The following APP variants were observed in gnomAD, a reference collection of about 807,000 sequenced individuals.
APP encodes amyloid beta precursor protein, also known as amyloid-beta precursor protein.
In APP, 31 loss-of-function variants were observed where a neutral mutation model predicts 101.4. The observed-to-expected ratio is 0.31, with a 90% CI of 0.23 to 0.41. The LOEUF (loss-of-function observed/expected upper bound fraction) is 0.41. Ranked by LOEUF, APP falls within the 10% of genes least tolerant of loss-of-function variation. The pLI is 1.00. For synonymous variants in APP, 366 were observed against 364.4 expected (o/e 1.00, Z -0.05); for missense variants, 839 against 1,003.7 (o/e 0.84, Z 2.22).
intron 3 of APP, among the ~76,000 whole-genome samples, chr21:26,064,677 C>G (rs2046391948): frequency 6.6e-6 from 1 of 152,126 alleles, no homozygotes; most frequent in South Asian, 2.1e-4. Flanking sequence ...AACACCCTCC[C>G]CCTAACAATC....
At chr21:26,152,240 G>A (rs927985456) in intron 1 of APP, among the ~76,000 whole-genome samples, 23 of 127,442 alleles carry the variant, frequency 1.8e-4, no homozygotes, top group African/African-American at 5.7e-4. Context: ...AGCCGAGATC[G>A]CGCCACTGCA....
At chr21:26,053,134 CT>C (rs533454547) in intron 4 of APP, 101 bp downstream of exon 4, 1 of 905,774 alleles carries the variant, frequency 1.1e-6, no homozygotes, top group Non-Finnish European at 1.9e-6. Context: ...TCTTAAATAA[CT>C]TATCAACATA....
chr21:26,028,669 ATCCATTGAATCAT>A (rs1042199059), intron 5 of APP, among the ~76,000 whole-genome samples: 7 of 152,200 alleles, frequency 4.6e-5, no homozygotes, highest in Non-Finnish European at 8.8e-5. Context: ...TCATTCATTC[ATCCATTGAATCAT>A]TCCATTAAGT....
At chr21:25,924,411 C>CAAAAAAA (rs551284093) in intron 13 of APP, among the ~76,000 whole-genome samples, 2 of 56,812 alleles carry the variant, frequency 3.5e-5, no homozygotes, top group African/African-American at 7.0e-5. Flanking sequence ...TTTGCAAATA[C>CAAAAAAA]AAAAAAAAAA....
rs1291230313 is a variant in APP, at chr21:26,014,954, ACT to A, written c.865+6884_865+6885del. 3.3e-5 allele frequency among the ~76,000 whole-genome samples: 5 copies of A among 152,312 alleles called. No homozygotes were observed. The South Asian group carries it at 8.3e-4, about 25-fold the overall frequency. ...GCTTAAAATACCTGCAAGAAATAAAACTCTATCTTGAAATGCAGTGGCATCTA... is the reference window on the plus strand; with the variant it reads ...GCTTAAAATACCTGCAAGAAATAAAACTATCTTGAAATGCAGTGGCATCTA... On this transcript the variant is annotated intron_variant, in intron 6 of 17. Coordinates refer to ENST00000346798, the MANE Select transcript of APP (RefSeq NM_000484.4).
intron 3 of APP, among the ~76,000 whole-genome samples, chr21:26,069,933 A>G (rs1230620658): frequency 6.6e-6 from 1 of 152,208 alleles, no homozygotes; most frequent in Non-Finnish European, 1.5e-5. Flanking sequence ...TTAGCCATGA[A>G]GTAATTAGGA....
Position 26,012,786 on chromosome 21 carries a change from C to T in APP, c.865+9054G>A, listed in dbSNP as rs549000294. Among the ~76,000 whole-genome samples the T allele has an allele frequency of 5.9e-5, 9 of 152,150 alleles. No homozygotes were observed. The South Asian group carries it at 1.9e-3, about 32-fold the overall frequency. On this transcript the variant is annotated intron_variant, in intron 6 of 17. Coordinates refer to ENST00000346798, the MANE Select transcript of APP (RefSeq NM_000484.4). ...GTCAGAAGTTCGAGACCAGTCTGGC[C>T]AACGTGGTGAAACCCATCTCTACCA... is the stretch of plus-strand genomic sequence containing the variant.
At chr21:25,952,755 C>CAAAT (rs2041146326) in intron 13 of APP, among the ~76,000 whole-genome samples, 2 of 152,146 alleles carry the variant, frequency 1.3e-5, no homozygotes, top group Admixed American at 6.5e-5. Flanking sequence ...AACAAACAAA[C>CAAAT]AAACAAACAA....
chr21:26,164,039 G>A (rs919940449), intron 1 of APP, among the ~76,000 whole-genome samples: 2 of 152,172 alleles, frequency 1.3e-5, no homozygotes, highest in African/African-American at 4.8e-5. Context: ...GAGGTCAAGA[G>A]TTTGAGACCA....
chr21:25,936,450 C>T (rs549454194), intron 13 of APP, among the ~76,000 whole-genome samples: 2 of 152,186 alleles, frequency 1.3e-5, no homozygotes, highest in Admixed American at 6.5e-5. Context: ...GGCTGAGGCA[C>T]GAGAATCGCT....
chr21:25,973,485 T>C (rs1426322610), intron 11 of APP, among the ~76,000 whole-genome samples: 1 of 152,186 alleles, frequency 6.6e-6, no homozygotes, highest in African/African-American at 2.4e-5. Context: ...AAAGATCATT[T>C]CATAAGAAGA....
intron 5 of APP, among the ~76,000 whole-genome samples, chr21:26,038,874 A>G (rs116151850): frequency 0.021 from 3,243 of 152,222 alleles, 107 homozygotes; most frequent in African/African-American, 0.074. Context: ...CATTTACACC[A>G]ATTAGTCGTT....
chr21:26,017,198 C>CAAAAAAAAAAAAAAAAAA (rs35206910), intron 6 of APP, among the ~76,000 whole-genome samples: 804 of 56,196 alleles, frequency 0.014, 63 homozygotes, highest in Non-Finnish European at 0.017. Context: ...GACTGTATCT[C>CAAAAAAAAAAAAAAAAAA]AAAAAAAAAA....
chr21:26,095,759 T>G (rs1487469987), intron 2 of APP, among the ~76,000 whole-genome samples: 2 of 152,220 alleles, frequency 1.3e-5, no homozygotes, highest in Non-Finnish European at 1.5e-5. Flanking sequence ...AAAAGTTCCT[T>G]AAGCTGCTTA....
chr21:25,940,177 G>A (rs1022924395), intron 13 of APP, among the ~76,000 whole-genome samples: 2 of 152,130 alleles, frequency 1.3e-5, no homozygotes, highest in African/African-American at 4.8e-5. Context: ...CTAAACAGGA[G>A]TCAGAGAAGG....
chr21:26,019,393 C>T (rs1045328186), intron 6 of APP, among the ~76,000 whole-genome samples: 12 of 152,124 alleles, frequency 7.9e-5, no homozygotes, highest in Non-Finnish European at 1.3e-4. Flanking sequence ...AGACACACCA[C>T]CCACCCACAC....
intron 13 of APP, among the ~76,000 whole-genome samples, chr21:25,935,936 C>T (rs564627438): frequency 4.1e-4 from 63 of 151,840 alleles, no homozygotes; most frequent in Admixed American, 2.1e-3. Context: ...TCATCAAGGC[C>T]GAGTTTAGGC....
intron 14 of APP, among the ~76,000 whole-genome samples, chr21:25,905,967 G>C (rs1311785490): frequency 6.6e-6 from 1 of 151,876 alleles, no homozygotes; most frequent in Non-Finnish European, 1.5e-5. Context: ...GGTAGGTGCA[G>C]GGGGAAGCTG....
In APP at chr21:25,945,741, C is replaced by G. The variant is rs45505398; in HGVS notation, c.1687+8849G>C. On this transcript the variant is annotated intron_variant, in intron 13 of 17. Coordinates refer to ENST00000346798, the MANE Select transcript of APP (RefSeq NM_000484.4). The stretch of plus-strand genomic sequence containing the variant: ...TGAGACAGGGTCTTGCTCTATTGCC[C>G]AGGTGGCGTGATCAAGGCTCACTGC... 3.9e-3 allele frequency: 1,386 copies of G among 357,070 alleles called. 24 individuals carry two copies. Among genetic ancestry groups the G allele is most frequent in the African/African-American group, 0.028 (1,300 of 45,950 alleles). 22.1% of individuals were successfully genotyped at this position (357,070 alleles called of 1,614,324 possible).
Sources: allele counts gnomAD v4.1 joint callset (sites outside exome capture counted in the v4.1 genomes callset), GRCh38; gene constraint gnomAD v4.1.1; transcripts MANE v1.5; gene names NCBI Gene and HGNC (gene_info 2026-07-23, HGNC 2026-07-21).